RAD9B: variants seen among roughly 807,000 people sequenced by gnomAD.
RAD9B encodes the protein RAD9 checkpoint clamp component B, also known as cell cycle checkpoint control protein RAD9B.
A neutral mutation model predicts 48.3 loss-of-function variants in RAD9B; 41 were observed. The ratio of observed to expected loss-of-function variants is 0.85; its 90% CI spans 0.66 to 1.10. The LOEUF is 1.10. Ranked by LOEUF, RAD9B falls within the 50% of genes least tolerant of loss-of-function variation. The pLI is 0.00. For missense variants in RAD9B, 444 were observed against 485.1 expected (o/e 0.92, Z 0.80); for synonymous variants, 160 against 157.9 (o/e 1.01, Z -0.10).
chr12:110,529,589 G>GA (rs1320305977), intron 10 of RAD9B, among the ~76,000 whole-genome samples: 1,691 of 142,344 alleles, frequency 0.012, 28 homozygotes, highest in African/African-American at 0.015. Flanking sequence ...GGTCTTTACG[G>GA]AAAAAAAAAA....
chr12:110,514,042 T>G (rs2063540633), intron 5 of RAD9B, among the ~76,000 whole-genome samples: 1 of 152,058 alleles, frequency 6.6e-6, no homozygotes, highest in South Asian at 2.1e-4. Context: ...CCTTCCTTCC[T>G]TCCTTCCTTC....
chr12:110,510,086 A>G (rs1429508781), intron 4 of RAD9B, among the ~76,000 whole-genome samples: 8 of 152,206 alleles, frequency 5.3e-5, no homozygotes, highest in Non-Finnish European at 1.5e-5. Context: ...CTCTCCCAGT[A>G]GCTCCCCATT....
At chr12:110,528,875 G>A (rs2064031260) in intron 10 of RAD9B, among the ~76,000 whole-genome samples, 1 of 152,068 alleles carries the variant, frequency 6.6e-6, no homozygotes, top group Non-Finnish European at 1.5e-5. Context: ...TTACAGGCAT[G>A]CATCACCACA....
chr12:110,506,484 G>A, intron 3 of RAD9B, 95 bp from the exon 4 acceptor site: 2 of 708,128 alleles, frequency 2.8e-6, no homozygotes, highest in Non-Finnish European at 2.6e-6. Flanking sequence ...CACCGCGCCT[G>A]GCCAAGTCTG....
intron 5 of RAD9B, 91 bp downstream of exon 5, chr12:110,512,969 C>T (rs934717896): frequency 4.8e-6 from 3 of 628,134 alleles, no homozygotes; most frequent in African/African-American, 3.9e-5. Context: ...TCAGTCGGCA[C>T]ATTTTTTTTT....
chr12:110,526,793 C>T (rs1459849521), intron 10 of RAD9B, among the ~76,000 whole-genome samples: 1 of 151,896 alleles, frequency 6.6e-6, no homozygotes, highest in East Asian at 1.9e-4. Flanking sequence ...CCTGTAGTCC[C>T]AGCTACTTGG....
chr12:110,513,294 A>T (rs1276110563), intron 5 of RAD9B, among the ~76,000 whole-genome samples: 1 of 151,720 alleles, frequency 6.6e-6, no homozygotes. Flanking sequence ...TTAAGCTGAA[A>T]TTTGACTTGG....
At chr12:110,524,407 C>A (rs1210772146) in intron 10 of RAD9B, among the ~76,000 whole-genome samples, 1 of 151,246 alleles carries the variant, frequency 6.6e-6, no homozygotes, top group Non-Finnish European at 1.5e-5. Context: ...ACTAAAAATA[C>A]AAAAATAAGC....
intron 5 of RAD9B, among the ~76,000 whole-genome samples, chr12:110,513,103 C>T (rs1044094880): frequency 5.9e-5 from 9 of 151,512 alleles, no homozygotes; most frequent in Non-Finnish European, 1.0e-4. Flanking sequence ...GTAGCTGGGA[C>T]TACAGGCGCC....
intron 8 of RAD9B, 82 bp downstream of exon 8, chr12:110,519,020 T>G (rs1249813261): frequency 1.2e-5 from 11 of 920,778 alleles, no homozygotes; most frequent in Non-Finnish European, 1.8e-5. Flanking sequence ...TTGAAATTAA[T>G]TAACACCTCA....
chr12:110,511,027 A>T (rs1460324841), intron 4 of RAD9B, among the ~76,000 whole-genome samples: 1 of 152,204 alleles, frequency 6.6e-6, no homozygotes, highest in African/African-American at 2.4e-5. Flanking sequence ...GAAAAGAATT[A>T]ACAAACCAGA....
intron 4 of RAD9B, among the ~76,000 whole-genome samples, chr12:110,508,338 G>C (rs1420598490): frequency 1.3e-5 from 2 of 152,140 alleles, no homozygotes; most frequent in Non-Finnish European, 2.9e-5. Flanking sequence ...GTTAGTGATT[G>C]CTGTTACTAT....
chr12:110,519,847 C>T lies in RAD9B; in HGVS notation c.821C>T (p.Ala274Val). 1 of 1,612,800 alleles carries T rather than the reference C, an allele frequency of 6.2e-7. No homozygotes were observed. The highest frequency in any genetic ancestry group is 1.7e-5 in the Admixed American group (1 of 59,796). ...DMLVEANFIL[A>V]TLADEQSRAS... ...TTAGTGGAAGCTAACTTTATTTTGG[C>T]CACATTAGCTGATGAACAAAGTAGA... The change falls in exon 9 of 11, where the codon GCC becomes GTC. Residue 274 changes from alanine to valine, a missense_variant. Ala to Val is a moderately conservative substitution (Grantham distance 64). Transcript: ENST00000409300.
chr12:110,503,481 A>G (rs958060466), intron 1 of RAD9B: 1 of 231,176 alleles, frequency 4.3e-6, no homozygotes. Flanking sequence ...TTGGGGGGTC[A>G]AATACATTTA....
rs181245537 is a variant in RAD9B at position 110,526,887 on chromosome 12, C to T, written c.1126-3638C>T. On this transcript the variant is annotated intron_variant, in intron 10 of 10. Transcript: ENST00000409300. ...TCATGCCACCGCACTCCAGCCTAGG[C>T]GACAGAACGAGACTCCATCTCAAAA... Among the ~76,000 whole-genome samples the T allele has an allele frequency of 4.7e-3, 674 of 141,946 alleles. 2 individuals are homozygous for T. The highest frequency in any genetic ancestry group is 7.1e-3 in the Non-Finnish European group (471 of 66,134). 93.1% of individuals were successfully genotyped at this position (141,946 alleles called of 152,430 possible). A position where few individuals can be genotyped will look rare whatever the true frequency, so the allele number is the denominator to read the frequency against.
chr12:110,526,778 G>A (rs1294533007), intron 10 of RAD9B, among the ~76,000 whole-genome samples: 5 of 151,894 alleles, frequency 3.3e-5, no homozygotes, highest in Admixed American at 1.3e-4. Context: ...GTGTGGTGGC[G>A]GGCGCCTGTA....
Position 110,530,794 on chromosome 12 carries a change from T to G in RAD9B, c.*141T>G, listed in dbSNP as rs1165319101. On this transcript the variant is annotated 3_prime_UTR_variant, in exon 11 of 11. Coordinates refer to ENST00000409300, the MANE Select transcript of RAD9B (RefSeq NM_001286535.2). Reference sequence around the variant, plus strand: ...GGATGGGCTTTTAAACCACATCATCTTGTACAACAACCATATCTAGAAATA... The same window carrying G: ...GGATGGGCTTTTAAACCACATCATCGTGTACAACAACCATATCTAGAAATA... 1.4e-6 allele frequency: 2 copies of G among 1,459,080 alleles called. No homozygotes were observed. The highest frequency in any genetic ancestry group is 5.1e-5 in the Admixed American group (2 of 38,846). 90.4% of individuals were successfully genotyped at this position (1,459,080 alleles called of 1,614,324 possible).
At chr12:110,513,697 ATTAT>A (rs1375793577) in intron 5 of RAD9B, among the ~76,000 whole-genome samples, 26 of 12,462 alleles carry the variant, frequency 2.1e-3, no homozygotes, top group Middle Eastern at 0.05. Flanking sequence ...TTTTTATATT[ATTAT>A]TATTATTATT....
intron 10 of RAD9B, among the ~76,000 whole-genome samples, chr12:110,528,856 T>C (rs920980816): frequency 6.6e-6 from 1 of 152,202 alleles, no homozygotes; most frequent in Non-Finnish European, 1.5e-5. Flanking sequence ...GACTCCCAAG[T>C]AGCTGGGATT....
Sources: gnomAD v4.1 joint callset for allele counts (sites outside exome capture counted in the v4.1 genomes callset) on GRCh38, gnomAD v4.1.1 for gene constraint, MANE v1.5 for transcripts, NCBI Gene and HGNC (gene_info 2026-07-23, HGNC 2026-07-21) for gene names.